Variants in JPH3 observed in about 807,000 individuals in gnomAD.
JPH3 encodes junctophilin-3.
A neutral mutation model predicts 59.6 loss-of-function variants in JPH3; 11 were observed. That is an observed-to-expected ratio of 0.18 (90% CI 0.12 to 0.31). The LOEUF is 0.31. Ranked by LOEUF, JPH3 falls within the 10% of genes least tolerant of loss-of-function variation. The pLI is 1.00. For synonymous variants in JPH3, 673 were observed against 483.6 expected (o/e 1.39, Z -5.14); for missense variants, 1,202 against 1,105.7 (o/e 1.09, Z -1.24).
At chr16:87,617,136 T>C (rs967251380) in intron 1 of JPH3, among the ~76,000 whole-genome samples, 6 of 152,126 alleles carry the variant, frequency 3.9e-5, no homozygotes, top group African/African-American at 1.4e-4. Flanking sequence ...GGCAGGAGAA[T>C]CACTTGAGCC....
chr16:87,639,433 A>G (rs1337523566), intron 1 of JPH3, among the ~76,000 whole-genome samples: 1 of 152,188 alleles, frequency 6.6e-6, no homozygotes, highest in African/African-American at 2.4e-5. Flanking sequence ...ACGTTGAGGG[A>G]AAAATACACA....
intron 1 of JPH3, among the ~76,000 whole-genome samples, chr16:87,627,379 G>A (rs1202335730): frequency 6.6e-6 from 1 of 152,240 alleles, no homozygotes; most frequent in African/African-American, 2.4e-5. Flanking sequence ...GCGGTCTCCA[G>A]AACCTTCTGT....
intron 2 of JPH3, among the ~76,000 whole-genome samples, chr16:87,680,355 C>T (rs1358397266): frequency 2.0e-5 from 3 of 152,240 alleles, no homozygotes; most frequent in African/African-American, 7.2e-5. Context: ...GGAGGGGCTG[C>T]GCCCGGAAGG....
intron 3 of JPH3, among the ~76,000 whole-genome samples, chr16:87,688,783 G>A (rs889306708): frequency 6.6e-6 from 1 of 152,214 alleles, no homozygotes; most frequent in Non-Finnish European, 1.5e-5. Context: ...TCCCCGGAGG[G>A]TAAGAAGCGC....
intron 1 of JPH3, among the ~76,000 whole-genome samples, 169 bp from the exon 2 acceptor site, chr16:87,644,089 G>A (rs1383694121): frequency 6.6e-6 from 1 of 152,236 alleles, no homozygotes; most frequent in Non-Finnish European, 1.5e-5. Flanking sequence ...CGTGAGCTGT[G>A]ATGGTCTCAC....
At chr16:87,624,822 A>G (rs894461747) in intron 1 of JPH3, among the ~76,000 whole-genome samples, 3 of 152,154 alleles carry the variant, frequency 2.0e-5, no homozygotes, top group South Asian at 4.1e-4. Context: ...TTTTTGAGAC[A>G]GAGTTTCACT....
intron 2 of JPH3, among the ~76,000 whole-genome samples, chr16:87,666,673 C>A (rs1241613993): frequency 6.6e-6 from 1 of 152,164 alleles, no homozygotes; most frequent in Non-Finnish European, 1.5e-5. Context: ...GTTCTCCAGA[C>A]CCCCTCCTGC....
chr16:87,614,798 A>T, intron 1 of JPH3, among the ~76,000 whole-genome samples: 1 of 139,118 alleles, frequency 7.2e-6, no homozygotes, highest in East Asian at 2.2e-4. Flanking sequence ...GTCCTCTCCC[A>T]GGATAAACGC....
chr16:87,626,063 C>A (rs1391424367), intron 1 of JPH3, among the ~76,000 whole-genome samples: 1 of 152,180 alleles, frequency 6.6e-6, no homozygotes, highest in East Asian at 1.9e-4. Flanking sequence ...GCGTAAGTTA[C>A]TGCTATCGGG....
intron 4 of JPH3, among the ~76,000 whole-genome samples, chr16:87,691,287 G>A (rs1469025917): frequency 1.3e-5 from 2 of 152,296 alleles, no homozygotes; most frequent in African/African-American, 2.4e-5. Context: ...CTTGACCAGT[G>A]CTGCAGGAAT....
rs577067614 is a variant in JPH3, at chr16:87,604,806, G to A, written c.382+1278G>A. Among the ~76,000 whole-genome samples, 5 of 152,324 alleles carry A rather than the reference G, an allele frequency of 3.3e-5. No homozygotes were observed. The South Asian group carries it at 1.0e-3, about 32-fold the overall frequency. On this transcript the variant is annotated intron_variant, in intron 1 of 4. Transcript: ENST00000284262. Reference sequence around the variant, plus strand: ...ACCCGAAGAGGAGGAGGAGTCTGGGGCAGTTAATTATATAATGCTCCTGCC... The same window carrying A: ...ACCCGAAGAGGAGGAGGAGTCTGGGACAGTTAATTATATAATGCTCCTGCC...
At chr16:87,672,669 G>A (rs931036064) in intron 2 of JPH3, among the ~76,000 whole-genome samples, 3 of 152,266 alleles carry the variant, frequency 2.0e-5, no homozygotes, top group South Asian at 2.1e-4. Flanking sequence ...CGCAGCAGGC[G>A]TAGACCACCA....
intron 1 of JPH3, among the ~76,000 whole-genome samples, chr16:87,613,263 A>AT (rs1403539731): frequency 2.7e-4 from 41 of 150,890 alleles, no homozygotes; most frequent in African/African-American, 9.0e-4. Context: ...CGTCCGGCTA[A>AT]TTTTTTGTAT....
chr16:87,677,022 G>C (rs919554492), intron 2 of JPH3, among the ~76,000 whole-genome samples: 1 of 151,646 alleles, frequency 6.6e-6, no homozygotes, highest in African/African-American at 2.4e-5. Flanking sequence ...AGCCGGGCGT[G>C]GTGGCGGGCG....
chr16:87,637,428 G>T (rs2031792478), intron 1 of JPH3, among the ~76,000 whole-genome samples: 1 of 151,536 alleles, frequency 6.6e-6, no homozygotes, highest in Non-Finnish European at 1.5e-5. Flanking sequence ...GTGTTTGTGT[G>T]TGTGTGTGTG....
At chr16:87,662,609 T>C (rs929115275) in intron 2 of JPH3, among the ~76,000 whole-genome samples, 9 of 152,222 alleles carry the variant, frequency 5.9e-5, no homozygotes, top group African/African-American at 2.2e-4. Flanking sequence ...CCTGGCCCCC[T>C]GGTGGCCCCT....
chr16:87,631,221 C>G (rs1025460577), intron 1 of JPH3, among the ~76,000 whole-genome samples: 2 of 152,176 alleles, frequency 1.3e-5, no homozygotes, highest in African/African-American at 4.8e-5. Flanking sequence ...CTTCACTTCT[C>G]CTGTGTTTGA....
chr16:87,657,463 C>T (rs1268812041), intron 2 of JPH3, among the ~76,000 whole-genome samples: 1 of 152,186 alleles, frequency 6.6e-6, no homozygotes, highest in Non-Finnish European at 1.5e-5. Context: ...CAGTACCCTG[C>T]AAGTGGACCG....
At chr16:87,620,457 A>AGAGAGAGGGAGAGAAAG (rs1555534443) in intron 1 of JPH3, among the ~76,000 whole-genome samples, 11 of 94,894 alleles carry the variant, frequency 1.2e-4, no homozygotes, top group African/African-American at 4.4e-4. Flanking sequence ...AGAGAGAAGG[A>AGAGAGAGGGAGAGAAAG]GAGAGAGGGA....
Sources: allele counts gnomAD v4.1 joint callset (sites outside exome capture counted in the v4.1 genomes callset), GRCh38; gene constraint gnomAD v4.1.1; transcripts MANE v1.5; gene names NCBI Gene and HGNC (gene_info 2026-07-23, HGNC 2026-07-21).